Variants in GALNT14 observed in about 807,000 individuals in gnomAD.
GALNT14 encodes UDP-GalNAc:polypeptide N-acetylgalactosaminyltransferase 14.
In GALNT14, 60 loss-of-function variants were observed where a neutral mutation model predicts 77.5. The observed-to-expected ratio is 0.77, with a 90% CI of 0.63 to 0.96. The LOEUF is 0.96. Among genes scored for constraint, GALNT14 ranks in the 40% least tolerant of loss-of-function variants. The pLI, the probability that GALNT14 is intolerant of heterozygous loss-of-function variation, is 0.00. For missense variants in GALNT14, 710 were observed against 731.0 expected (o/e 0.97, Z 0.33); for synonymous variants, 280 against 281.7 (o/e 0.99, Z 0.06).
chr2:31,087,477 A>AAGGAGAGAAGAGAGGAG lies in GALNT14; in HGVS notation c.129+50480_129+50481insCTCCTCTCTTCTCTCCT, dbSNP rs1553375404. Among the ~76,000 whole-genome samples, 539 of 104,842 alleles carry AAGGAGAGAAGAGAGGAG rather than the reference A, an allele frequency of 5.1e-3. 4 individuals are homozygous for AAGGAGAGAAGAGAGGAG. Among genetic ancestry groups the AAGGAGAGAAGAGAGGAG allele is most frequent in the African/African-American group, 0.022 (519 of 23,748 alleles). The allele number at this position is 104,842 out of a possible 152,430, so 68.8% of individuals were successfully genotyped here. A position where few individuals can be genotyped will look rare whatever the true frequency, so the allele number is the denominator to read the frequency against. On this transcript the variant is annotated intron_variant, in intron 1 of 14. Coordinates refer to ENST00000349752, the MANE Select transcript of GALNT14 (RefSeq NM_024572.4). ...GGGCAGGGGACAGGAGGAGACAGGA[A>AAGGAGAGAAGAGAGGAG]AGGAGAGGAGAAGAGAGGAGAGGAG...
intron 2 of GALNT14, among the ~76,000 whole-genome samples, chr2:30,981,525 G>T (rs1228277996): frequency 6.6e-6 from 1 of 152,152 alleles, no homozygotes; most frequent in Non-Finnish European, 1.5e-5. Flanking sequence ...TGCGTGGAGG[G>T]CATGAGAGGG....
chr2:30,984,932 G>A (rs928428196), intron 2 of GALNT14, among the ~76,000 whole-genome samples: 3 of 152,028 alleles, frequency 2.0e-5, no homozygotes, highest in Admixed American at 2.0e-4. Flanking sequence ...TGAACACTGA[G>A]GGCAGGAAAT....
At chr2:31,031,324 A>G (rs1672397516) in intron 1 of GALNT14, among the ~76,000 whole-genome samples, 3 of 152,066 alleles carry the variant, frequency 2.0e-5, no homozygotes, top group Admixed American at 2.0e-4. Flanking sequence ...TGACAGGGGA[A>G]CTTTATAAAA....
In GALNT14 at chr2:30,910,484, A is replaced by C. The variant is rs1052507117; in HGVS notation, c.*417T>G. 3 of 159,426 alleles carry C rather than the reference A, an allele frequency of 1.9e-5. No individual in the cohort carries two copies. The highest frequency in any genetic ancestry group is 4.1e-5 in the Non-Finnish European group (3 of 73,044). 9.9% of individuals were successfully genotyped at this position (159,426 alleles called of 1,614,324 possible). A position where few individuals can be genotyped will look rare whatever the true frequency, so the allele number is the denominator to read the frequency against. ...AAGAGATGTCCAGAGACAACTTCTA[A>C]GTTTCTCTTTATTTCTTTTGGAAAC... On this transcript the variant is annotated 3_prime_UTR_variant, in exon 15 of 15. Coordinates refer to ENST00000349752, the MANE Select transcript of GALNT14 (RefSeq NM_024572.4).
At chr2:31,053,968 T>C (rs1674057729) in intron 1 of GALNT14, among the ~76,000 whole-genome samples, 1 of 152,218 alleles carries the variant, frequency 6.6e-6, no homozygotes, top group South Asian at 2.1e-4. Flanking sequence ...AATAGTGTAG[T>C]TAGGCAAAAC....
At chr2:31,090,757 C>A (rs950501434) in intron 1 of GALNT14, among the ~76,000 whole-genome samples, 1 of 151,818 alleles carries the variant, frequency 6.6e-6, no homozygotes, top group Non-Finnish European at 1.5e-5. Flanking sequence ...GCTGGGATTA[C>A]AGGCATGAGC....
intron 6 of GALNT14, among the ~76,000 whole-genome samples, chr2:30,955,127 G>A (rs56379183): frequency 0.24 from 35,842 of 152,018 alleles, 5,162 homozygotes; most frequent in East Asian, 0.4. Flanking sequence ...GGCAAAGAGG[G>A]GCAAGGAATT....
intron 13 of GALNT14, among the ~76,000 whole-genome samples, chr2:30,918,129 A>T (rs1664796322): frequency 2.0e-5 from 3 of 152,156 alleles, no homozygotes; most frequent in Admixed American, 2.0e-4. Flanking sequence ...TCCATTGGAA[A>T]CTTTGATGAA....
At chr2:30,998,742 A>G (rs542444940) in intron 1 of GALNT14, among the ~76,000 whole-genome samples, 2 of 152,188 alleles carry the variant, frequency 1.3e-5, no homozygotes, top group African/African-American at 4.8e-5. Context: ...CAGCTTGTCA[A>G]TGCTGGAGCT....
chr2:31,103,924 T>A (rs1677422255), intron 1 of GALNT14, among the ~76,000 whole-genome samples: 1 of 152,232 alleles, frequency 6.6e-6, no homozygotes, highest in Admixed American at 6.5e-5. Flanking sequence ...GAAGGGCTCA[T>A]GGGAACAATA....
At chr2:31,104,674 A>C (rs1677462833) in intron 1 of GALNT14, among the ~76,000 whole-genome samples, 1 of 152,200 alleles carries the variant, frequency 6.6e-6, no homozygotes, top group African/African-American at 2.4e-5. Context: ...TGAAAGTCTG[A>C]AACAGTACAG....
chr2:30,943,980 T>C (rs1163339310), intron 8 of GALNT14, among the ~76,000 whole-genome samples: 1 of 152,212 alleles, frequency 6.6e-6, no homozygotes, highest in Admixed American at 6.5e-5. Context: ...ATACTTACTA[T>C]GTGGCAACAC....
At chr2:31,076,120 GAA>G (rs951851758) in intron 1 of GALNT14, among the ~76,000 whole-genome samples, 2 of 152,308 alleles carry the variant, frequency 1.3e-5, no homozygotes, top group Admixed American at 1.3e-4. Flanking sequence ...AAGAACTGGA[GAA>G]AAGAGTTGAG....
intron 1 of GALNT14, among the ~76,000 whole-genome samples, chr2:31,101,602 G>A (rs1677279539): frequency 6.6e-6 from 1 of 151,994 alleles, no homozygotes; most frequent in Non-Finnish European, 1.5e-5. Context: ...GCTGAACAAA[G>A]TAGTCTCCTG....
intron 1 of GALNT14, among the ~76,000 whole-genome samples, chr2:31,025,119 T>C (rs1469159678): frequency 1.3e-5 from 2 of 152,246 alleles, no homozygotes; most frequent in African/African-American, 4.8e-5. Context: ...CTGATCTGAG[T>C]ACTTGTATTG....
At chr2:30,890,026 A>G in the GALNT14 span, among the ~76,000 whole-genome samples, 1 of 152,130 alleles carries the variant, frequency 6.6e-6, no homozygotes, top group Admixed American at 6.5e-5. Context: ...AGAGGGGTGT[A>G]GAAGAAAATG....
intron 1 of GALNT14, among the ~76,000 whole-genome samples, chr2:31,013,375 T>C (rs1246356041): frequency 6.6e-6 from 1 of 152,220 alleles, no homozygotes; most frequent in African/African-American, 2.4e-5. Context: ...AGATGTTTCC[T>C]GGTTTAGGTA....
At chr2:30,998,659 A>G (rs1222116254) in intron 1 of GALNT14, among the ~76,000 whole-genome samples, 1 of 152,192 alleles carries the variant, frequency 6.6e-6, no homozygotes, top group Non-Finnish European at 1.5e-5. Flanking sequence ...ATAGGTACCA[A>G]TATTACCTTT....
At chr2:31,040,121 A>G (rs540547889) in intron 1 of GALNT14, among the ~76,000 whole-genome samples, 2 of 152,352 alleles carry the variant, frequency 1.3e-5, no homozygotes, top group African/African-American at 4.8e-5. Context: ...TTTCTATTGT[A>G]TACTGTCACA....
Sources: gnomAD v4.1 joint callset for allele counts (sites outside exome capture counted in the v4.1 genomes callset) on GRCh38, gnomAD v4.1.1 for gene constraint, MANE v1.5 for transcripts, NCBI Gene and HGNC (gene_info 2026-07-23, HGNC 2026-07-21) for gene names.